GALNT14: variants seen among roughly 807,000 people sequenced by gnomAD.
GALNT14 encodes the protein UDP-GalNAc:polypeptide N-acetylgalactosaminyltransferase 14.
In GALNT14, 60 loss-of-function variants were observed where a neutral mutation model predicts 77.5. The observed-to-expected ratio is 0.77, with a 90% CI of 0.63 to 0.96. The LOEUF (loss-of-function observed/expected upper bound fraction) is 0.96. GALNT14 is among the 40% of genes least tolerant of loss of function. The pLI is 0.00. For missense variants in GALNT14, 710 were observed against 731.0 expected (o/e 0.97, Z 0.33); for synonymous variants, 280 against 281.7 (o/e 0.99, Z 0.06).
chr2:30,942,158 T>C (rs1272065578), intron 9 of GALNT14, 43 bp downstream of exon 9: 3 of 1,400,560 alleles, frequency 2.1e-6, no homozygotes, highest in Non-Finnish European at 3.0e-6. Flanking sequence ...ATCCCCAGGG[T>C]GTATAGAACA....
chr2:30,957,000 C>T (rs1357997917), intron 4 of GALNT14, among the ~76,000 whole-genome samples: 1 of 152,138 alleles, frequency 6.6e-6, no homozygotes, highest in African/African-American at 2.4e-5. Flanking sequence ...ACAGGAAACC[C>T]CATCCTAAGC....
At chr2:30,945,152 C>A (rs1490874872) in intron 7 of GALNT14, among the ~76,000 whole-genome samples, 2 of 152,218 alleles carry the variant, frequency 1.3e-5, no homozygotes, top group Non-Finnish European at 2.9e-5. Flanking sequence ...TACCCACTAC[C>A]ACCTCTCTGA....
At chr2:31,122,863 A>G (rs1678481668) in intron 1 of GALNT14, among the ~76,000 whole-genome samples, 1 of 152,182 alleles carries the variant, frequency 6.6e-6, no homozygotes, top group Admixed American at 6.5e-5. Flanking sequence ...ACCATAGACA[A>G]TTCGTAAAGG....
the GALNT14 span, among the ~76,000 whole-genome samples, chr2:30,901,504 T>C: frequency 2.9e-5 from 4 of 139,532 alleles, no homozygotes; most frequent in African/African-American, 9.9e-5. Flanking sequence ...ATAATAAATA[T>C]ATTCATATAT....
In GALNT14 at chr2:31,010,744, T is replaced by G. The variant is rs140236421; in HGVS notation, c.130-17737A>C. 1.8e-3 allele frequency among the ~76,000 whole-genome samples: 271 copies of G among 152,188 alleles called. 1 individual carries two copies. Among genetic ancestry groups the G allele is most frequent in the African/African-American group, 6.2e-3 (259 of 41,536 alleles). ...CCCTGCCTGATCAGAACCTGCAAAC[T>G]CTCCACACTTACCCCTCCCCATCCC... On this transcript the variant is annotated intron_variant, in intron 1 of 14. Transcript: ENST00000349752.
At chr2:31,137,931 G>C (rs1679301670) in intron 1 of GALNT14, 27 bp downstream of exon 1, 2 of 1,595,430 alleles carry the variant, frequency 1.3e-6, no homozygotes, top group Non-Finnish European at 1.7e-6. Flanking sequence ...CCACCGCTCA[G>C]CGCCAGCGCG....
intron 4 of GALNT14, among the ~76,000 whole-genome samples, chr2:30,957,847 C>A (rs1667459271): frequency 6.6e-6 from 1 of 152,188 alleles, no homozygotes; most frequent in African/African-American, 2.4e-5. Context: ...GGACGGCCTT[C>A]AGGTGAGGTG....
At chr2:31,065,305 T>A (rs1235871689) in intron 1 of GALNT14, 1 of 152,114 alleles carries the variant, frequency 6.6e-6, no homozygotes, top group Non-Finnish European at 1.5e-5. Flanking sequence ...AGGGCTGAGA[T>A]GATGGTGGAA....
intron 1 of GALNT14, among the ~76,000 whole-genome samples, chr2:31,067,437 G>A (rs1164117918): frequency 2.6e-5 from 4 of 152,172 alleles, no homozygotes; most frequent in East Asian, 1.9e-4. Flanking sequence ...CTGTCTTCAC[G>A]ACATCCCCGG....
At chr2:31,072,977 G>A (rs1018951330) in intron 1 of GALNT14, 5 of 152,180 alleles carry the variant, frequency 3.3e-5, no homozygotes, top group African/African-American at 4.8e-5. Flanking sequence ...AAGTTCAGGG[G>A]AAATACTAGG....
chr2:31,017,716 C>T (rs1211372540), intron 1 of GALNT14, among the ~76,000 whole-genome samples: 1 of 152,016 alleles, frequency 6.6e-6, no homozygotes, highest in Non-Finnish European at 1.5e-5. Context: ...GCACCTCTCA[C>T]CTGGAGAGAT....
chr2:30,943,628 C>A lies in GALNT14; in HGVS notation c.827+1230G>T, dbSNP rs150854385. 1.3e-3 allele frequency among the ~76,000 whole-genome samples: 203 copies of A among 152,322 alleles called. 6 individuals are homozygous for A. In the East Asian group the frequency reaches 0.037, roughly 27 times the overall value. ...CACAGCATCACCTTGACCCTTTGCT[C>A]TTCCCACACCCACACCATGCACTGC... is the stretch of plus-strand genomic sequence containing the variant. On this transcript the variant is annotated intron_variant, in intron 8 of 14. Coordinates refer to ENST00000349752, the MANE Select transcript of GALNT14 (RefSeq NM_024572.4).
chr2:31,065,173 G>A (rs959093429), intron 1 of GALNT14: 1 of 151,896 alleles, frequency 6.6e-6, no homozygotes, highest in East Asian at 1.9e-4. Flanking sequence ...TCTACTCATT[G>A]GTTTTATTAT....
chr2:31,099,266 C>T (rs1225392018), intron 1 of GALNT14, among the ~76,000 whole-genome samples: 7 of 151,710 alleles, frequency 4.6e-5, no homozygotes, highest in Admixed American at 4.6e-4. Flanking sequence ...GTGCATTGCC[C>T]GTTTATATCC....
intron 1 of GALNT14, among the ~76,000 whole-genome samples, chr2:31,053,988 G>A (rs970999897): frequency 2.0e-5 from 3 of 152,190 alleles, no homozygotes; most frequent in African/African-American, 7.2e-5. Context: ...CCCAAGGAAA[G>A]CAAAAATCCA....
intron 1 of GALNT14, among the ~76,000 whole-genome samples, chr2:31,072,149 C>T (rs2148565114): frequency 6.6e-6 from 1 of 152,152 alleles, no homozygotes; most frequent in Non-Finnish European, 1.5e-5. Flanking sequence ...CACCATCTTC[C>T]CTCTGCTGTG....
chr2:31,025,667 A>G (rs1049997822), intron 1 of GALNT14, among the ~76,000 whole-genome samples: 4 of 152,198 alleles, frequency 2.6e-5, no homozygotes, highest in Non-Finnish European at 5.9e-5. Flanking sequence ...AACATGAAAG[A>G]AAGGTGGCAA....
At chr2:30,994,606 C>T (rs1669909196) in intron 1 of GALNT14, among the ~76,000 whole-genome samples, 1 of 152,118 alleles carries the variant, frequency 6.6e-6, no homozygotes. Context: ...TAGAGGAAAT[C>T]GGTGGGGGTG....
At position 30,971,947 on chromosome 2, in the gene GALNT14, A is replaced by G. The variant is rs140012547; in HGVS notation, c.300-5645T>C. On this transcript the variant is annotated intron_variant, in intron 2 of 14. Coordinates refer to ENST00000349752, the MANE Select transcript of GALNT14 (RefSeq NM_024572.4). The stretch of plus-strand genomic sequence containing the variant: ...GATCACTGTCACCCCCATTTCATCA[A>G]TGAGCAGTCAGGGCTCCCAGTGCTT... Among the ~76,000 whole-genome samples the G allele has an allele frequency of 1.4e-3, 219 of 152,318 alleles. 1 individual carries two copies. The highest frequency in any genetic ancestry group is 5.0e-3 in the African/African-American group (209 of 41,584).
Sources: gnomAD v4.1 joint callset for allele counts (sites outside exome capture counted in the v4.1 genomes callset) on GRCh38, gnomAD v4.1.1 for gene constraint, MANE v1.5 for transcripts, NCBI Gene and HGNC (gene_info 2026-07-23, HGNC 2026-07-21) for gene names.